ADRA1A: variants seen among roughly 807,000 people sequenced by gnomAD.
ADRA1A encodes adrenoceptor alpha 1A.
Under a neutral mutation model 29.6 loss-of-function variants are expected in ADRA1A, and 31 were observed. The observed-to-expected ratio is 1.05, with a 90% confidence interval of 0.79 to 1.41. The LOEUF (loss-of-function observed/expected upper bound fraction) is 1.41. ADRA1A is among the 40% of genes most tolerant of loss of function. ADRA1A has a pLI of 0.00. For missense variants in ADRA1A, 619 were observed against 601.1 expected (o/e 1.03, Z -0.31); for synonymous variants, 311 against 254.3 (o/e 1.22, Z -2.12).
intron 2 of ADRA1A, among the ~76,000 whole-genome samples, chr8:26,812,181 C>CA (rs1809440872): frequency 6.6e-6 from 1 of 152,140 alleles, no homozygotes; most frequent in Non-Finnish European, 1.5e-5. Flanking sequence ...GTAATCTGTG[C>CA]AAAAACCATG....
At chr8:26,817,548 G>A (rs759269578) in intron 2 of ADRA1A, among the ~76,000 whole-genome samples, 1 of 152,180 alleles carries the variant, frequency 6.6e-6, no homozygotes, top group Non-Finnish European at 1.5e-5. Flanking sequence ...GGAGGACAAG[G>A]CAGGTGGATC....
chr8:26,827,835 C>A (rs1006925192), intron 2 of ADRA1A, among the ~76,000 whole-genome samples: 2 of 152,094 alleles, frequency 1.3e-5, no homozygotes, highest in Non-Finnish European at 2.9e-5. Flanking sequence ...GGGGTGGACA[C>A]AAACATTCAG....
chr8:26,780,154 AC>A (rs1171974515), intron 2 of ADRA1A, among the ~76,000 whole-genome samples: 1 of 152,124 alleles, frequency 6.6e-6, no homozygotes, highest in Admixed American at 6.5e-5. Context: ...GCCCTACACA[AC>A]CTTCTTCATT....
downstream of ADRA1A, among the ~76,000 whole-genome samples, chr8:26,764,846 AT>A (rs1470047823): frequency 6.6e-6 from 1 of 152,150 alleles, no homozygotes; most frequent in East Asian, 1.9e-4. Context: ...CAGTGCCGTC[AT>A]TTTTTTCTCA....
downstream of ADRA1A, among the ~76,000 whole-genome samples, chr8:26,753,598 A>G (rs1805019007): frequency 6.6e-6 from 1 of 152,170 alleles, no homozygotes; most frequent in Admixed American, 6.5e-5. Flanking sequence ...TGAATGAGTT[A>G]TTTCTATCAC....
At chr8:26,777,885 C>A (rs1239443597) in intron 2 of ADRA1A, among the ~76,000 whole-genome samples, 1 of 152,154 alleles carries the variant, frequency 6.6e-6, no homozygotes, top group African/African-American at 2.4e-5. Flanking sequence ...GAAGTGCTGC[C>A]CACTTTTCCA....
At chr8:26,845,846 T>C (rs1812158310) in intron 2 of ADRA1A, among the ~76,000 whole-genome samples, 1 of 152,192 alleles carries the variant, frequency 6.6e-6, no homozygotes, top group East Asian at 1.9e-4. Flanking sequence ...AGGTCACATA[T>C]ATGATCCCAT....
intron 2 of ADRA1A, chr8:26,778,913 T>G (rs757228039): frequency 6.6e-6 from 1 of 151,948 alleles, no homozygotes; most frequent in Non-Finnish European, 1.5e-5. Context: ...CTGCATGTTC[T>G]GCACATGTAC....
rs972041779 is a variant in ADRA1A, at chr8:26,806,262, G to A, written c.884-35596C>T. Among the ~76,000 whole-genome samples the A allele has an allele frequency of 1.3e-5, 2 of 151,942 alleles. No individual in the cohort carries two copies. Among genetic ancestry groups the A allele is most frequent in the Non-Finnish European group, 2.9e-5 (2 of 68,020 alleles). ...TCCCTACAGCCTTCCTTCAGACAAG[G>A]TGGAACTGGCCCCAGAAGCTGGGTG... On this transcript the variant is annotated intron_variant, in intron 2 of 2. Coordinates refer to ENST00000380573, the MANE Select transcript of ADRA1A (RefSeq NM_000680.4). The surrounding 1 kb of genome is among the most constrained non-coding windows in gnomAD (Gnocchi z 4.6).
At chr8:26,784,987 C>T (rs549390012) in intron 2 of ADRA1A, among the ~76,000 whole-genome samples, 3 of 152,222 alleles carry the variant, frequency 2.0e-5, no homozygotes, top group Non-Finnish European at 2.9e-5. Context: ...ACACAGCATC[C>T]TATTAAAATA....
At chr8:26,760,340 T>C (rs1051922663) in intron 2 of ADRA1A, among the ~76,000 whole-genome samples, 2 of 152,186 alleles carry the variant, frequency 1.3e-5, no homozygotes, top group African/African-American at 4.8e-5. Flanking sequence ...ATTGTGCTCA[T>C]GAAGGCTTAG....
intron 2 of ADRA1A, among the ~76,000 whole-genome samples, chr8:26,826,173 C>A (rs62492238): frequency 2.0e-5 from 3 of 152,182 alleles, no homozygotes; most frequent in Non-Finnish European, 4.4e-5. Context: ...ATTTTTTTCC[C>A]TAAGACAATG....
intron 2 of ADRA1A, among the ~76,000 whole-genome samples, chr8:26,801,713 A>T (rs1212894774): frequency 1.3e-5 from 2 of 152,136 alleles, no homozygotes; most frequent in Non-Finnish European, 2.9e-5. Context: ...GATTCAGTGC[A>T]ATCCCTATCG....
intron 2 of ADRA1A, among the ~76,000 whole-genome samples, chr8:26,832,366 G>T (rs1230821910): frequency 1.3e-5 from 2 of 152,108 alleles, no homozygotes; most frequent in Non-Finnish European, 2.9e-5. Context: ...AAGCATCTAG[G>T]TATAAAGGGA....
intron 2 of ADRA1A, among the ~76,000 whole-genome samples, chr8:26,832,512 C>A (rs1811055713): frequency 6.6e-6 from 1 of 151,980 alleles, no homozygotes; most frequent in Non-Finnish European, 1.5e-5. Context: ...CTGGCAGACA[C>A]AAATCAGGTT....
intron 2 of ADRA1A, among the ~76,000 whole-genome samples, chr8:26,797,913 T>C (rs1048770475): frequency 4.6e-5 from 7 of 152,092 alleles, no homozygotes; most frequent in African/African-American, 1.7e-4. Flanking sequence ...GGACACAAGG[T>C]GTCTTCAGGT....
intron 2 of ADRA1A, among the ~76,000 whole-genome samples, chr8:26,803,825 C>T (rs777491188): frequency 6.6e-6 from 1 of 151,914 alleles, no homozygotes; most frequent in Non-Finnish European, 1.5e-5. Flanking sequence ...TGCTCAGCAT[C>T]GCCAGTCATC....
At position 26,770,474 on chromosome 8, in the gene ADRA1A, G is replaced by T. The variant is rs751552739; in HGVS notation, c.1076C>A (p.Thr359Asn). 5.6e-6 allele frequency: 9 copies of T among 1,614,092 alleles called. No homozygotes were observed. The East Asian group carries it at 1.6e-4, about 28-fold the overall frequency. ...CACGGCCTGGCTGGGCGGGTGCAGG[G>T]TGTAGCCCAGGGCATGTTTGGAAGA... ...KQSSKHALGY[T>N]LHPPSQAVEG... The change falls in exon 3 of 3, where the codon ACC (threonine) becomes AAC (asparagine). Residue 359 changes from threonine (T) to asparagine (N), a missense_variant. Coordinates refer to ENST00000380573, the MANE Select transcript of ADRA1A (RefSeq NM_000680.4).
intron 2 of ADRA1A, among the ~76,000 whole-genome samples, chr8:26,797,838 G>T (rs1233604830): frequency 6.6e-6 from 1 of 152,094 alleles, no homozygotes; most frequent in Admixed American, 6.6e-5. Flanking sequence ...TCATGACATG[G>T]TGTTTACGTC....
Sources: allele counts gnomAD v4.1 joint callset (sites outside exome capture counted in the v4.1 genomes callset), GRCh38; gene constraint gnomAD v4.1.1; non-coding constraint Gnocchi (gnomAD v3.1); transcripts MANE v1.5; gene names NCBI Gene and HGNC (gene_info 2026-07-23, HGNC 2026-07-21).